The following LRMDA variants were observed in gnomAD, a reference collection of about 807,000 sequenced individuals.
LRMDA encodes the protein leucine rich melanocyte differentiation associated, also known as leucine-rich melanocyte differentiation-associated protein.
A neutral mutation model predicts 29.8 loss-of-function variants in LRMDA; 18 were observed. That is an observed-to-expected ratio of 0.60 (90% CI 0.42 to 0.90). The LOEUF is 0.90. LRMDA is among the 40% of genes least tolerant of loss of function. The pLI is 0.00. For synonymous variants in LRMDA, 125 were observed against 109.4 expected (o/e 1.14, Z -0.89); for missense variants, 273 against 273.9 (o/e 1.00, Z 0.02).
At chr10:75,629,213 A>C (rs1841293233) in intron 2 of LRMDA, among the ~76,000 whole-genome samples, 1 of 152,240 alleles carries the variant, frequency 6.6e-6, no homozygotes, top group African/African-American at 2.4e-5. Context: ...CTTAGCATTC[A>C]GTATGAAAAA....
At chr10:76,143,342 C>T (rs1850243224) in intron 5 of LRMDA, among the ~76,000 whole-genome samples, 1 of 152,200 alleles carries the variant, frequency 6.6e-6, no homozygotes, top group Admixed American at 6.5e-5. Context: ...TCCACATTCT[C>T]TCCAGCACCT....
chr10:75,465,114 A>G (rs1395557018), intron 2 of LRMDA, among the ~76,000 whole-genome samples: 1 of 152,202 alleles, frequency 6.6e-6, no homozygotes, highest in Admixed American at 6.5e-5. Flanking sequence ...TGTTTTTAAA[A>G]GCAAAACAAG....
intron 2 of LRMDA, among the ~76,000 whole-genome samples, chr10:75,892,323 TG>T (rs1845505233): frequency 6.6e-6 from 1 of 152,234 alleles, no homozygotes; most frequent in African/African-American, 2.4e-5. Flanking sequence ...CTGACTGGGA[TG>T]TCCCTGTCAC....
intron 2 of LRMDA, chr10:75,451,833 T>A (rs1844465599): frequency 6.6e-6 from 1 of 151,714 alleles, no homozygotes; most frequent in Admixed American, 6.6e-5. Flanking sequence ...TTTCGCTACG[T>A]CTTGAGGAGT....
intron 5 of LRMDA, among the ~76,000 whole-genome samples, chr10:76,124,497 CTAA>C (rs1213913119): frequency 6.6e-6 from 1 of 152,240 alleles, no homozygotes; most frequent in Non-Finnish European, 1.5e-5. Flanking sequence ...TCAGGGACAG[CTAA>C]TGCTATATTT....
At chr10:75,872,024 A>G (rs1845119995) in intron 2 of LRMDA, among the ~76,000 whole-genome samples, 1 of 152,226 alleles carries the variant, frequency 6.6e-6, no homozygotes, top group Non-Finnish European at 1.5e-5. Flanking sequence ...CTCATTGCTT[A>G]GTAGTGATCT....
chr10:75,789,826 T>C (rs186143705), intron 2 of LRMDA, among the ~76,000 whole-genome samples: 505 of 152,322 alleles, frequency 3.3e-3, no homozygotes, highest in Admixed American at 6.6e-3. Flanking sequence ...ATACGAGTCT[T>C]TGCTCTGACA....
intron 5 of LRMDA, among the ~76,000 whole-genome samples, chr10:76,306,931 C>A (rs1053053508): frequency 6.6e-6 from 1 of 152,174 alleles, no homozygotes; most frequent in Non-Finnish European, 1.5e-5. Flanking sequence ...TATTACTCCT[C>A]ACTTAAACAG....
chr10:76,544,093 A>G (rs16933647), intron 6 of LRMDA, among the ~76,000 whole-genome samples: 4,940 of 152,264 alleles, frequency 0.032, 104 homozygotes, highest in Non-Finnish European at 0.041. Flanking sequence ...TTGGCCCTCA[A>G]TTACCGTAAT....
chr10:75,847,172 A>C (rs765219255), intron 2 of LRMDA, among the ~76,000 whole-genome samples: 6 of 152,168 alleles, frequency 3.9e-5, no homozygotes, highest in Non-Finnish European at 5.9e-5. Flanking sequence ...AGACAATTGG[A>C]ACCAAATACA....
intron 6 of LRMDA, among the ~76,000 whole-genome samples, chr10:76,401,363 C>T (rs1440323161): frequency 1.3e-5 from 2 of 152,186 alleles, no homozygotes; most frequent in Non-Finnish European, 2.9e-5. Context: ...CTGGCATTGT[C>T]CTAGGGGCTG....
chr10:76,363,132 A>T (rs1393082084), intron 6 of LRMDA, among the ~76,000 whole-genome samples: 1 of 27,384 alleles, frequency 3.7e-5, no homozygotes. Context: ...AAAGAAAGAA[A>T]GAAAGAAAGA....
chr10:75,999,398 G>C (rs1847524337), intron 2 of LRMDA, among the ~76,000 whole-genome samples: 1 of 152,196 alleles, frequency 6.6e-6, no homozygotes, highest in Admixed American at 6.5e-5. Flanking sequence ...GAAGAAAAGG[G>C]AGGAAAATAA....
intron 5 of LRMDA, among the ~76,000 whole-genome samples, chr10:76,190,103 CTCTG>C (rs1266955118): frequency 6.6e-6 from 1 of 152,152 alleles, no homozygotes; most frequent in African/African-American, 2.4e-5. Flanking sequence ...GACAAAGATT[CTCTG>C]TCTGAAGGCT....
intron 2 of LRMDA, among the ~76,000 whole-genome samples, chr10:75,985,847 T>C (rs573697119): frequency 1.5e-3 from 223 of 151,980 alleles, no homozygotes; most frequent in Admixed American, 4.5e-3. Context: ...CGAAAAGGGG[T>C]CCTGGAGAAG....
intron 5 of LRMDA, among the ~76,000 whole-genome samples, chr10:76,322,111 C>A (rs1396603084): frequency 6.6e-6 from 1 of 152,202 alleles, no homozygotes; most frequent in African/African-American, 2.4e-5. Flanking sequence ...ACTCAATATA[C>A]GATGGGTGTA....
intron 5 of LRMDA, among the ~76,000 whole-genome samples, chr10:76,227,912 T>C (rs895954098): frequency 6.6e-6 from 1 of 152,302 alleles, no homozygotes; most frequent in South Asian, 2.1e-4. Flanking sequence ...TAGATACTTA[T>C]ATAAGAAAAT....
intron 2 of LRMDA, among the ~76,000 whole-genome samples, chr10:75,797,982 G>A (rs779410910): frequency 3.9e-5 from 6 of 152,126 alleles, no homozygotes; most frequent in Admixed American, 6.5e-5. Flanking sequence ...ACATTTGTTA[G>A]TGAGTATATA....
At chr10:75,589,196 C>G (rs184687866) in intron 2 of LRMDA, among the ~76,000 whole-genome samples, 123 of 152,246 alleles carry the variant, frequency 8.1e-4, no homozygotes, top group Non-Finnish European at 1.4e-3. Flanking sequence ...TCCTCAGGAG[C>G]TGAACTAATT....
Sources: gnomAD v4.1 joint callset for allele counts (sites outside exome capture counted in the v4.1 genomes callset) on GRCh38, gnomAD v4.1.1 for gene constraint, MANE v1.5 for transcripts, NCBI Gene and HGNC (gene_info 2026-07-23, HGNC 2026-07-21) for gene names.